The following ADGRA3 variants were observed in gnomAD, a reference collection of about 807,000 sequenced individuals.
ADGRA3 encodes adhesion G protein-coupled receptor A3.
Under a neutral mutation model 119.8 loss-of-function variants are expected in ADGRA3, and 56 were observed. The ratio of observed to expected loss-of-function variants is 0.47; its 90% CI spans 0.38 to 0.58. The LOEUF (loss-of-function observed/expected upper bound fraction) is 0.58, where lower values mean the gene tolerates loss of function less well. Among genes scored for constraint, ADGRA3 ranks in the 20% least tolerant of loss-of-function variants. ADGRA3 has a pLI of 0.00. For synonymous variants in ADGRA3, 607 were observed against 623.8 expected (o/e 0.97, Z 0.40); for missense variants, 1,516 against 1,649.0 (o/e 0.92, Z 1.40).
intron 1 of ADGRA3, among the ~76,000 whole-genome samples, chr4:22,505,539 C>T (rs562078357): frequency 2.0e-5 from 3 of 151,382 alleles, no homozygotes; most frequent in Admixed American, 6.6e-5. Context: ...CCCAGCTACT[C>T]GAGAGGCTAA....
intron 6 of ADGRA3, among the ~76,000 whole-genome samples, chr4:22,443,517 G>C (rs900511557): frequency 6.6e-6 from 1 of 152,026 alleles, no homozygotes; most frequent in Admixed American, 6.6e-5. Flanking sequence ...AAGAATAATA[G>C]AAAATATGCA....
chr4:22,515,203 T>G, intron 1 of ADGRA3: 1 of 199,992 alleles, frequency 5.0e-6, no homozygotes, highest in Admixed American at 5.9e-5. Flanking sequence ...GAGCTTTAAC[T>G]CTGTTGACTG....
At chr4:22,490,082 A>T (rs4697308) in intron 1 of ADGRA3, among the ~76,000 whole-genome samples, 2 of 151,942 alleles carry the variant, frequency 1.3e-5, no homozygotes, top group African/African-American at 4.8e-5. Context: ...TTTTTTTTCT[A>T]TTTTCAATTC....
At chr4:22,444,169 T>C (rs1716737449) in intron 6 of ADGRA3, among the ~76,000 whole-genome samples, 1 of 152,176 alleles carries the variant, frequency 6.6e-6, no homozygotes, top group Non-Finnish European at 1.5e-5. Context: ...ATTAAACCAA[T>C]CCCCTATTTT....
intron 1 of ADGRA3, among the ~76,000 whole-genome samples, chr4:22,496,859 T>C (rs528611283): frequency 6.6e-6 from 1 of 152,208 alleles, no homozygotes; most frequent in Non-Finnish European, 1.5e-5. Context: ...TGATGGCACA[T>C]GTGCCACCAC....
intron 7 of ADGRA3, among the ~76,000 whole-genome samples, chr4:22,439,014 A>C (rs1210230894): frequency 2.0e-5 from 3 of 152,072 alleles, no homozygotes; most frequent in Non-Finnish European, 4.4e-5. Flanking sequence ...CACACAAAAA[A>C]AGAACAGGAA....
In ADGRA3 at chr4:22,424,236, G is replaced by A. The variant is rs755174609; in HGVS notation, c.1560C>T (p.Arg520=). ...ACSRIVQCLQ[R]IATYRLAGGA... ...CACCGGCTAGCCGGTAGGTAGCAATGCGCTGAAGACACTGCACAATCCTAC... is the reference window on the plus strand; with the variant it reads ...CACCGGCTAGCCGGTAGGTAGCAATACGCTGAAGACACTGCACAATCCTAC... Residue 520 remains arginine, a synonymous_variant, in exon 11 of 19, where the codon CGC becomes CGT. Transcript: ENST00000334304. 9.9e-6 allele frequency: 16 copies of A among 1,613,206 alleles called. No individual in the cohort carries two copies. The highest frequency in any genetic ancestry group is 3.3e-5 in the Admixed American group (2 of 60,004).
intron 9 of ADGRA3, 126 bp from the exon 10 acceptor site, chr4:22,435,592 G>A: frequency 1.2e-6 from 1 of 807,834 alleles, no homozygotes; most frequent in Admixed American, 3.1e-5. Flanking sequence ...TACTCATCAT[G>A]GCCTTCTTAA....
chr4:22,435,463 G>A lies in ADGRA3; in HGVS notation c.1291C>T (p.Pro431Ser), dbSNP rs1344234186. Residue 431 changes from proline (P) to serine (S), a missense_variant, in exon 10 of 19, where the codon CCC (proline) becomes TCC (serine). This residue lies in a region of ADGRA3 where 1,088 missense variants were observed against 1,107.1 expected (regional missense o/e 0.98). Transcript: ENST00000334304. ...GCCACGGCATTGGTAAGATTGAGGG[G>A]CATCTACATTTCAAAGGCAAAAATG... ...TRVLYMFNQM[P>S]LNLTNAVATA... is the part of the protein sequence containing the mutation. 1.9e-6 allele frequency: 3 copies of A among 1,580,874 alleles called. No homozygotes were observed. Among genetic ancestry groups the A allele is most frequent in the Admixed American group, 1.7e-5 (1 of 59,248 alleles).
chr4:22,461,902 T>A, intron 2 of ADGRA3, 94 bp from the exon 3 acceptor site: 1 of 723,610 alleles, frequency 1.4e-6, no homozygotes, highest in Non-Finnish European at 2.2e-6. Flanking sequence ...AAAACAAAAG[T>A]ATAATAATAA....
At chr4:22,450,947 A>ATAT (rs1372386036) in intron 4 of ADGRA3, among the ~76,000 whole-genome samples, 27 of 134,278 alleles carry the variant, frequency 2.0e-4, no homozygotes, top group South Asian at 7.2e-4. Context: ...AAAAAAAAAA[A>ATAT]AAAAATATAT....
intron 4 of ADGRA3, among the ~76,000 whole-genome samples, chr4:22,450,063 T>G (rs189744211): frequency 6.6e-6 from 1 of 152,166 alleles, no homozygotes. Context: ...TAGCTTGGAT[T>G]TGGGGGGACA....
chr4:22,402,126 C>T lies in ADGRA3; in HGVS notation c.2357+549G>A, dbSNP rs558270291. ...CATTCTAGCAAAACGTTTTGTAAAG[C>T]GAATTTCTGCTTAGCGTATCCTTTT... On this transcript the variant is annotated intron_variant, in intron 15 of 18. Coordinates refer to ENST00000334304, the MANE Select transcript of ADGRA3 (RefSeq NM_145290.4). Among the ~76,000 whole-genome samples, 17 of 152,176 alleles carry T rather than the reference C, an allele frequency of 1.1e-4. No individual in the cohort carries two copies. In the East Asian group the frequency reaches 1.2e-3, roughly 10 times the overall value.
intron 2 of ADGRA3, among the ~76,000 whole-genome samples, chr4:22,469,442 C>T (rs1404503006): frequency 2.6e-5 from 4 of 152,148 alleles, no homozygotes; most frequent in Non-Finnish European, 4.4e-5. Context: ...CTGTATTTAT[C>T]GGACCAACTG....
intron 10 of ADGRA3, 107 bp from the exon 11 acceptor site, chr4:22,424,459 C>T (rs1273495628): frequency 2.5e-6 from 3 of 1,222,752 alleles, no homozygotes; most frequent in Non-Finnish European, 1.2e-6. Flanking sequence ...GTCTCAAATT[C>T]CACATGAGAA....
intron 1 of ADGRA3, among the ~76,000 whole-genome samples, chr4:22,480,735 T>C (rs376734621): frequency 6.6e-6 from 1 of 152,314 alleles, no homozygotes; most frequent in East Asian, 1.9e-4. Flanking sequence ...TGCTGTATAC[T>C]TACGTTGGTT....
intron 1 of ADGRA3, among the ~76,000 whole-genome samples, chr4:22,485,710 C>T (rs535685616): frequency 1.1e-4 from 17 of 152,300 alleles, no homozygotes; most frequent in Non-Finnish European, 2.1e-4. Flanking sequence ...GGTTCAGAAA[C>T]CTCATATCCG....
chr4:22,434,173 T>C (rs1716301826), intron 10 of ADGRA3, among the ~76,000 whole-genome samples: 1 of 141,198 alleles, frequency 7.1e-6, no homozygotes, highest in Non-Finnish European at 1.5e-5. Context: ...ATATGTAATA[T>C]ACATTAGATA....
At chr4:22,500,692 G>C (rs928220911) in intron 1 of ADGRA3, among the ~76,000 whole-genome samples, 2 of 152,190 alleles carry the variant, frequency 1.3e-5, no homozygotes, top group Non-Finnish European at 2.9e-5. Flanking sequence ...CATTACTTGT[G>C]AATGTAAAGT....
Sources: gnomAD v4.1 joint callset for allele counts (sites outside exome capture counted in the v4.1 genomes callset) on GRCh38, gnomAD v4.1.1 for gene constraint, gnomAD v4.1.1 regional missense constraint, MANE v1.5 for transcripts, NCBI Gene and HGNC (gene_info 2026-07-23, HGNC 2026-07-21) for gene names.